Variants in SNX14 observed in about 807,000 individuals in gnomAD.
SNX14 encodes sorting nexin 14.
Under a neutral mutation model 133.8 loss-of-function variants are expected in SNX14, and 93 were observed. The ratio of observed to expected loss-of-function variants is 0.70; its 90% confidence interval spans 0.59 to 0.83. The LOEUF is 0.83. Among genes scored for constraint, SNX14 ranks in the 40% least tolerant of loss-of-function variants. The pLI is 0.00. For missense variants in SNX14, 945 were observed against 1,094.9 expected (o/e 0.86, Z 1.93); for synonymous variants, 368 against 365.6 (o/e 1.01, Z -0.07).
chr6:85,593,538 C>G (rs1343638990), intron 1 of SNX14, 41 bp downstream of exon 1: 1 of 1,579,748 alleles, frequency 6.3e-7, no homozygotes, highest in East Asian at 2.3e-5. Context: ...TCTGCACCTT[C>G]GGAGAAAAGC....
chr6:85,534,836 T>TTG (rs1554227166), intron 17 of SNX14, among the ~76,000 whole-genome samples: 2 of 150,830 alleles, frequency 1.3e-5, no homozygotes, highest in African/African-American at 2.4e-5. Context: ...GGAAAGTTTT[T>TTG]TTTTTTTTTT....
chr6:85,514,658 A>C, intron 23 of SNX14, 29 bp from the exon 24 acceptor site: 1 of 1,586,020 alleles, frequency 6.3e-7, no homozygotes, highest in Non-Finnish European at 8.6e-7. Context: ...TAATAAAGAG[A>C]TATATAGTTT....
rs891512349 is a variant in SNX14 at position 85,550,788 on chromosome 6, C to CT, written c.635-910dup. On this transcript the variant is annotated intron_variant, in intron 7 of 28. Transcript: ENST00000314673. ...TGCTGGGATTATAGGCCTCAAAATT[C>CT]TTTTTTTTTTTTGAGGCAGAGTTTC... is the stretch of plus-strand genomic sequence containing the variant. 5.8e-3 allele frequency among the ~76,000 whole-genome samples: 832 copies of CT among 144,246 alleles called. 14 individuals carry two copies. The highest frequency in any genetic ancestry group is 0.05 in the East Asian group (250 of 4,956). 94.6% of individuals were successfully genotyped at this position (144,246 alleles called of 152,430 possible).
chr6:85,569,912 G>C (rs564865944), intron 4 of SNX14, among the ~76,000 whole-genome samples: 17 of 152,226 alleles, frequency 1.1e-4, no homozygotes, highest in African/African-American at 3.9e-4. Flanking sequence ...TTACTCTCCA[G>C]TTTGCTGAAC....
chr6:85,570,399 G>A (rs1225301716), intron 4 of SNX14, among the ~76,000 whole-genome samples: 2 of 151,984 alleles, frequency 1.3e-5, no homozygotes, highest in African/African-American at 2.4e-5. Flanking sequence ...CCTCAACTTC[G>A]CACTCTCCAA....
intron 15 of SNX14, among the ~76,000 whole-genome samples, chr6:85,539,385 A>T (rs139462463): frequency 5.4e-4 from 83 of 152,324 alleles, no homozygotes; most frequent in Middle Eastern, 3.4e-3. Context: ...TCACGTTTTT[A>T]GGTTGAGTAA....
chr6:85,585,306 G>A lies in SNX14; in HGVS notation c.140+8273C>T, dbSNP rs913568670. Among the ~76,000 whole-genome samples, 9 of 151,976 alleles carry A rather than the reference G, an allele frequency of 5.9e-5. 1 individual carries two copies. The highest frequency in any genetic ancestry group is 2.2e-4 in the African/African-American group (9 of 41,346). On this transcript the variant is annotated intron_variant, in intron 1 of 28. Transcript: ENST00000314673. ...ATGTAGATGATGGATTGAGGGTGCA[G>A]CAAACCACCATGGCACATGTATACC...
rs1773958763 is a variant in SNX14, at chr6:85,514,153, A to G, written c.2474T>C (p.Met825Thr). Residue 825 changes from methionine (M) to threonine (T), a missense_variant, in exon 25 of 29, where the codon ATG (methionine) becomes ACG (threonine). Met to Thr is a moderately conservative substitution (Grantham distance 81). Coordinates refer to ENST00000314673, the MANE Select transcript of SNX14 (RefSeq NM_153816.6). ...ACACTGAAGATAGTAATCAGTATAC[A>G]TTTCCAGGGTGTTTTTAAAGAGGAT... The part of the protein sequence containing the change: ...TRILFKNTLE[M>T]YTDYYLQCKL... The G allele has an allele frequency of 6.2e-7, 1 of 1,613,926 alleles. No homozygotes were observed. Among genetic ancestry groups the G allele is most frequent in the African/African-American group, 1.3e-5 (1 of 74,914 alleles).
At chr6:85,530,111 A>G (rs1227973579) in intron 19 of SNX14, 81 bp downstream of exon 19, 1 of 797,576 alleles carries the variant, frequency 1.3e-6, no homozygotes, top group Non-Finnish European at 2.0e-6. Context: ...ATTACTTAAA[A>G]TAAAAAAATT....
At position 85,517,811 on chromosome 6, in the gene SNX14, T is replaced by C. The variant is rs1309847131; in HGVS notation, c.2213A>G (p.Lys738Arg). 1.9e-6 allele frequency: 3 copies of C among 1,612,200 alleles called. No individual in the cohort carries two copies. Among genetic ancestry groups the C allele is most frequent in the Admixed American group, 1.7e-5 (1 of 59,618 alleles). Reference sequence around the variant, plus strand: ...AATGGTCAGTTCTGGTCTACTTGGTTTAGGCTTTGGAGACTCACAAGAATT... The same window carrying C: ...AATGGTCAGTTCTGGTCTACTTGGTCTAGGCTTTGGAGACTCACAAGAATT... ...FINSCESPKP[K>R]PSRPELTILS... Residue 738 changes from lysine (K) to arginine (R), a missense_variant, in exon 23 of 29, where the codon AAA (lysine) becomes AGA (arginine). Physicochemically the swap from Lys to Arg is conservative, Grantham distance 26. Around this residue, in one of 3 missense-constraint regions of SNX14, gnomAD observed 412 missense variants for 516.6 expected, o/e 0.80. Coordinates refer to ENST00000314673, the MANE Select transcript of SNX14 (RefSeq NM_153816.6).
At chr6:85,536,444 T>C (rs1781981426) in intron 17 of SNX14, among the ~76,000 whole-genome samples, 1 of 152,220 alleles carries the variant, frequency 6.6e-6, no homozygotes, top group South Asian at 2.1e-4. Flanking sequence ...CAACTCTGTA[T>C]ACCTGGAGTA....
chr6:85,554,533 A>G (rs1488288237), intron 7 of SNX14, among the ~76,000 whole-genome samples: 2 of 152,134 alleles, frequency 1.3e-5, no homozygotes, highest in Non-Finnish European at 2.9e-5. Context: ...TGAAAAATCA[A>G]AAATTTGAAA....
chr6:85,537,900 C>G lies in SNX14; in HGVS notation c.1475+938G>C, dbSNP rs562569482. ...CAAGATTGCACCACTGCACTCCAGCCTGGGCAACAGAGTGAGGCTCCATCA... is the reference window on the plus strand; with the variant it reads ...CAAGATTGCACCACTGCACTCCAGCGTGGGCAACAGAGTGAGGCTCCATCA... On this transcript the variant is annotated intron_variant, in intron 16 of 28. Transcript: ENST00000314673. Among the ~76,000 whole-genome samples the G allele has an allele frequency of 2.6e-5, 4 of 152,256 alleles. No homozygotes were observed. The South Asian group carries it at 8.3e-4, about 32-fold the overall frequency.
intron 17 of SNX14, among the ~76,000 whole-genome samples, chr6:85,535,041 T>A (rs1308327138): frequency 1.3e-5 from 2 of 151,260 alleles, no homozygotes; most frequent in Non-Finnish European, 3.0e-5. Flanking sequence ...TTTTTTTTTT[T>A]TTTTTGAGAC....
intron 7 of SNX14, among the ~76,000 whole-genome samples, chr6:85,550,516 G>A (rs1411928943): frequency 6.6e-6 from 1 of 151,992 alleles, no homozygotes; most frequent in African/African-American, 2.4e-5. Flanking sequence ...ATTATTTTGA[G>A]ACAAGGTCTC....
At chr6:85,576,032 TC>T (rs1451988213) in intron 1 of SNX14, among the ~76,000 whole-genome samples, 1 of 152,228 alleles carries the variant, frequency 6.6e-6, no homozygotes, top group Admixed American at 6.5e-5. Context: ...ACTATTTTTT[TC>T]ATTTCCCTAT....
intron 1 of SNX14, among the ~76,000 whole-genome samples, chr6:85,578,026 C>A (rs560982891): frequency 1.3e-5 from 2 of 152,108 alleles, no homozygotes; most frequent in African/African-American, 4.8e-5. Flanking sequence ...AAAAGGAGAG[C>A]TAACACAGTA....
At chr6:85,511,962 T>A (rs909689032) in intron 26 of SNX14, among the ~76,000 whole-genome samples, 4 of 151,942 alleles carry the variant, frequency 2.6e-5, no homozygotes, top group Non-Finnish European at 4.4e-5. Flanking sequence ...GGTTCTATAG[T>A]CCTAGGAGGG....
chr6:85,518,125 T>A, intron 21 of SNX14, 77 bp from the exon 22 acceptor site: 1 of 1,157,348 alleles, frequency 8.6e-7, no homozygotes, highest in Non-Finnish European at 1.2e-6. Context: ...CTTAACCAGG[T>A]AATTTTAAAT....
Sources: allele counts gnomAD v4.1 joint callset (sites outside exome capture counted in the v4.1 genomes callset), GRCh38; gene constraint gnomAD v4.1.1; regional missense constraint gnomAD v4.1.1; transcripts MANE v1.5; gene names NCBI Gene and HGNC (gene_info 2026-07-23, HGNC 2026-07-21).